The following PPARGC1A variants were observed in gnomAD, a reference collection of about 807,000 sequenced individuals.
PPARGC1A encodes PPARG coactivator 1 alpha.
In PPARGC1A, 25 loss-of-function variants were observed where a neutral mutation model predicts 88.7. The observed-to-expected ratio is 0.28, with a 90% CI of 0.21 to 0.39. PPARGC1A has a LOEUF of 0.39. Ranked by LOEUF, PPARGC1A falls within the 10% of genes least tolerant of loss-of-function variation. The probability of loss-of-function intolerance (pLI) is 1.00; values close to 1 mark genes in which losing one functional copy is unlikely to be tolerated. For synonymous variants in PPARGC1A, 363 were observed against 355.6 expected (o/e 1.02, Z -0.24); for missense variants, 880 against 968.7 (o/e 0.91, Z 1.22).
intron 2 of PPARGC1A, among the ~76,000 whole-genome samples, chr4:23,840,644 TC>T (rs1282957977): frequency 6.6e-6 from 1 of 152,146 alleles, no homozygotes; most frequent in East Asian, 1.9e-4. Flanking sequence ...TCATGAACTA[TC>T]TAAAAGGGGA....
At chr4:24,204,478 G>A in the PPARGC1A span, among the ~76,000 whole-genome samples, 2 of 151,884 alleles carry the variant, frequency 1.3e-5, no homozygotes, top group Non-Finnish European at 2.9e-5. Flanking sequence ...AAGGAAGGGA[G>A]GAGGAAAGGA....
At chr4:23,980,185 C>CAA in the PPARGC1A span, among the ~76,000 whole-genome samples, 100 of 89,424 alleles carry the variant, frequency 1.1e-3, no homozygotes, top group African/African-American at 3.4e-3. Context: ...TCCCAGCCAG[C>CAA]AAAAAAAAAA....
the PPARGC1A span, among the ~76,000 whole-genome samples, chr4:24,074,498 T>C: frequency 6.6e-6 from 1 of 152,156 alleles, no homozygotes; most frequent in Non-Finnish European, 1.5e-5. Flanking sequence ...CAAATAAAAT[T>C]ATATAATGTA....
intron 2 of PPARGC1A, among the ~76,000 whole-genome samples, chr4:23,876,620 T>G (rs994172747): frequency 1.3e-5 from 2 of 152,056 alleles, no homozygotes; most frequent in African/African-American, 4.8e-5. Flanking sequence ...TGAGTCTCCT[T>G]CCTCCTCTCT....
chr4:24,027,229 G>GTGTGTGTGTGTGTGTGTGTGTGTC, the PPARGC1A span, among the ~76,000 whole-genome samples: 1 of 143,266 alleles, frequency 7.0e-6, no homozygotes, highest in African/African-American at 2.6e-5. Flanking sequence ...CTGTGTGTCT[G>GTGTGTGTGTGTGTGTGTGTGTGTC]TGTGTGTCTG....
chr4:24,447,673 A>G, the PPARGC1A span, among the ~76,000 whole-genome samples: 1 of 152,152 alleles, frequency 6.6e-6, no homozygotes. Context: ...ACCTGAACAA[A>G]AGCAAAGGAC....
the PPARGC1A span, among the ~76,000 whole-genome samples, chr4:24,241,089 C>T: frequency 6.6e-6 from 1 of 152,180 alleles, no homozygotes; most frequent in Non-Finnish European, 1.5e-5. Context: ...ACAATTCACC[C>T]ATTCTTTTAA....
At chr4:24,069,228 T>G in the PPARGC1A span, among the ~76,000 whole-genome samples, 1 of 152,180 alleles carries the variant, frequency 6.6e-6, no homozygotes, top group Non-Finnish European at 1.5e-5. Context: ...CTCAGTAAAT[T>G]TGATCCTGTC....
the PPARGC1A span, among the ~76,000 whole-genome samples, chr4:24,358,116 T>A: frequency 2.6e-5 from 4 of 152,178 alleles, no homozygotes; most frequent in African/African-American, 9.7e-5. Context: ...CAAGCAGGTG[T>A]TATTATCTCC....
the PPARGC1A span, among the ~76,000 whole-genome samples, chr4:24,116,527 G>T: frequency 6.6e-6 from 1 of 152,156 alleles, no homozygotes; most frequent in African/African-American, 2.4e-5. Flanking sequence ...TTCACTCGAG[G>T]CTTAAGAGTG....
chr4:23,850,416 C>T (rs1414559699), intron 2 of PPARGC1A, among the ~76,000 whole-genome samples: 1 of 152,142 alleles, frequency 6.6e-6, no homozygotes, highest in Admixed American at 6.5e-5. Flanking sequence ...CCACGATCTA[C>T]CAGGGAACTA....
chr4:23,965,197 A>G, the PPARGC1A span, among the ~76,000 whole-genome samples: 2 of 152,146 alleles, frequency 1.3e-5, no homozygotes, highest in African/African-American at 2.4e-5. Context: ...ATTAGAGAGG[A>G]GATTCCTTAT....
chr4:24,376,361 T>C, the PPARGC1A span, among the ~76,000 whole-genome samples: 1 of 152,190 alleles, frequency 6.6e-6, no homozygotes, highest in African/African-American at 2.4e-5. Flanking sequence ...GCCAAAGCGG[T>C]CAGCTCTTCA....
the PPARGC1A span, among the ~76,000 whole-genome samples, chr4:23,914,450 A>T: frequency 1.3e-5 from 2 of 152,204 alleles, no homozygotes; most frequent in African/African-American, 4.8e-5. Flanking sequence ...AGACAGATCC[A>T]CAATCACTAC....
At chr4:24,032,572 G>T in the PPARGC1A span, among the ~76,000 whole-genome samples, 1 of 152,192 alleles carries the variant, frequency 6.6e-6, no homozygotes, top group South Asian at 2.1e-4. Context: ...GCCATGTTTG[G>T]TGACAGCCTT....
chr4:23,840,737 A>T lies in PPARGC1A; in HGVS notation c.235-8986T>A, dbSNP rs74611645. The stretch of plus-strand genomic sequence containing the variant: ...ACTAAAATGAGTTAGAATGGTAACT[A>T]AAGAGTCTAATCCATCCTGATAATA... On this transcript the variant is annotated intron_variant, in intron 2 of 12. Coordinates refer to ENST00000264867, the MANE Select transcript of PPARGC1A (RefSeq NM_013261.5). Among the ~76,000 whole-genome samples the T allele has an allele frequency of 4.9e-3, 746 of 152,268 alleles. 5 individuals carry two copies. Among genetic ancestry groups the T allele is most frequent in the African/African-American group, 0.016 (684 of 41,556 alleles).
the PPARGC1A span, among the ~76,000 whole-genome samples, chr4:24,063,519 A>T: frequency 1.3e-5 from 2 of 152,124 alleles, no homozygotes; most frequent in African/African-American, 2.4e-5. Flanking sequence ...CAAGTTCCTC[A>T]TCTGTAAAAT....
chr4:23,905,864 A>ATT (rs1291979223), upstream of PPARGC1A, among the ~76,000 whole-genome samples: 1 of 152,186 alleles, frequency 6.6e-6, no homozygotes, highest in African/African-American at 2.4e-5. Context: ...GAAAAATAGC[A>ATT]TTTTTTGTTT....
chr4:24,318,585 G>A, the PPARGC1A span, among the ~76,000 whole-genome samples: 125 of 152,260 alleles, frequency 8.2e-4, no homozygotes, highest in Admixed American at 1.8e-3. Context: ...ATTCTTAGTC[G>A]GGCATCATCA....
Sources: allele counts gnomAD v4.1 joint callset (sites outside exome capture counted in the v4.1 genomes callset), GRCh38; gene constraint gnomAD v4.1.1; transcripts MANE v1.5; gene names NCBI Gene and HGNC (gene_info 2026-07-23, HGNC 2026-07-21).